The following FYN variants were observed in gnomAD, a reference collection of about 807,000 sequenced individuals.
The protein encoded by FYN is tyrosine-protein kinase Fyn.
A neutral mutation model predicts 70.2 loss-of-function variants in FYN; 10 were observed. That is an observed-to-expected ratio of 0.14 (90% CI 0.09 to 0.24). The LOEUF is 0.24. Ranked by LOEUF, FYN falls within the 10% of genes least tolerant of loss-of-function variation. The pLI is 1.00. For synonymous variants in FYN, 236 were observed against 248.6 expected, an observed-to-expected ratio of 0.95 and a Z score of 0.48; for missense variants, 319 against 673.1, an observed-to-expected ratio of 0.47 and a Z score of 5.82.
intron 3 of FYN, among the ~76,000 whole-genome samples, chr6:111,752,631 T>A (rs1802539082): frequency 6.6e-6 from 1 of 151,834 alleles, no homozygotes; most frequent in Non-Finnish European, 1.5e-5. Flanking sequence ...GTCCACCAGG[T>A]GGAATAGGGT....
chr6:111,779,120 C>CTTTTTTT (rs776994144), intron 3 of FYN, among the ~76,000 whole-genome samples: 4 of 112,504 alleles, frequency 3.6e-5, no homozygotes, highest in African/African-American at 7.1e-5. Flanking sequence ...CAGTAGGAGA[C>CTTTTTTT]ATTTTTTTTT....
intron 13 of FYN, among the ~76,000 whole-genome samples, chr6:111,663,897 C>G (rs1797882868): frequency 6.6e-6 from 1 of 152,152 alleles, no homozygotes. Context: ...AGGCAGCCTC[C>G]TCCGGCTCTA....
intron 2 of FYN, among the ~76,000 whole-genome samples, chr6:111,806,663 G>A (rs994838833): frequency 3.9e-5 from 6 of 152,182 alleles, no homozygotes; most frequent in African/African-American, 1.4e-4. Context: ...TATTGAAGGT[G>A]AGGTAAATTA....
At chr6:111,731,080 G>A (rs1801427166) in intron 3 of FYN, among the ~76,000 whole-genome samples, 1 of 152,148 alleles carries the variant, frequency 6.6e-6, no homozygotes, top group African/African-American at 2.4e-5. Flanking sequence ...CGTCATCAAT[G>A]CCCCCTCCCC....
chr6:111,686,166 C>T (rs1798994339), intron 12 of FYN, among the ~76,000 whole-genome samples: 1 of 152,138 alleles, frequency 6.6e-6, no homozygotes, highest in Admixed American at 6.5e-5. Context: ...GACCTGCTCC[C>T]CCTAACTATT....
intron 12 of FYN, among the ~76,000 whole-genome samples, chr6:111,684,687 G>A (rs1318946914): frequency 1.3e-5 from 2 of 152,116 alleles, no homozygotes; most frequent in African/African-American, 2.4e-5. Flanking sequence ...TCCTTGCAAC[G>A]GTGACCAATG....
At chr6:111,782,771 G>A (rs1213104572) in intron 2 of FYN, among the ~76,000 whole-genome samples, 2 of 152,162 alleles carry the variant, frequency 1.3e-5, no homozygotes, top group Non-Finnish European at 2.9e-5. Flanking sequence ...TCCTAAGTAT[G>A]GGCACTTTGG....
At chr6:111,665,995 C>CTTTTTTTTT (rs991104460) in intron 13 of FYN, among the ~76,000 whole-genome samples, 20 of 89,048 alleles carry the variant, frequency 2.2e-4, no homozygotes, top group East Asian at 1.0e-3. Context: ...CCTTTTTCTC[C>CTTTTTTTTT]TTTTTTTTTT....
intron 2 of FYN, among the ~76,000 whole-genome samples, chr6:111,823,714 A>G (rs1772746835): frequency 6.6e-6 from 1 of 152,122 alleles, no homozygotes; most frequent in Non-Finnish European, 1.5e-5. Flanking sequence ...TCATGCTAAC[A>G]TAACAGATCT....
chr6:111,865,108 G>A (rs1774068493), intron 1 of FYN, among the ~76,000 whole-genome samples: 1 of 152,176 alleles, frequency 6.6e-6, no homozygotes, highest in Non-Finnish European at 1.5e-5. Flanking sequence ...AAAGCTTTCT[G>A]AGTGCAAATA....
intron 13 of FYN, 161 bp downstream of exon 13, chr6:111,674,338 G>C: frequency 2.7e-6 from 2 of 732,710 alleles, no homozygotes; most frequent in East Asian, 5.4e-5. Context: ...GTGGCTCCCA[G>C]TTCTGCTTTT....
intron 3 of FYN, among the ~76,000 whole-genome samples, chr6:111,724,291 A>G (rs145390290): frequency 4.5e-4 from 68 of 152,228 alleles, no homozygotes; most frequent in Middle Eastern, 3.4e-3. Flanking sequence ...TTCTCCACAT[A>G]GCCCTGTAGT....
At chr6:111,815,414 T>C (rs1255178744) in intron 2 of FYN, among the ~76,000 whole-genome samples, 1 of 152,234 alleles carries the variant, frequency 6.6e-6, no homozygotes, top group African/African-American at 2.4e-5. Flanking sequence ...CTTTCAATTA[T>C]ACTTAATTTT....
At chr6:111,869,201 CT>C (rs1774200169) in intron 1 of FYN, among the ~76,000 whole-genome samples, 1 of 152,226 alleles carries the variant, frequency 6.6e-6, no homozygotes, top group South Asian at 2.1e-4. Flanking sequence ...CTCACTTAAC[CT>C]CCGTGGAATA....
chr6:111,806,916 G>A (rs1772167367), intron 2 of FYN, among the ~76,000 whole-genome samples: 7 of 152,170 alleles, frequency 4.6e-5, no homozygotes, highest in Admixed American at 4.6e-4. Context: ...AGCCTAGGAA[G>A]GAGAAATGGA....
At chr6:111,699,568 G>A (rs374907658) in intron 9 of FYN, 7 of 1,614,002 alleles carry the variant, frequency 4.3e-6, no homozygotes, top group African/African-American at 4.0e-5. Context: ...CAGACACAAC[G>A]AACGACGTGC....
At chr6:111,677,319 A>G (rs1211576810) in intron 12 of FYN, among the ~76,000 whole-genome samples, 1 of 152,228 alleles carries the variant, frequency 6.6e-6, no homozygotes, top group Non-Finnish European at 1.5e-5. Context: ...AAATCAAAGC[A>G]GCAATAAGGT....
At chr6:111,718,772 C>T (rs1800790926) in intron 4 of FYN, among the ~76,000 whole-genome samples, 1 of 152,084 alleles carries the variant, frequency 6.6e-6, no homozygotes, top group Non-Finnish European at 1.5e-5. Flanking sequence ...AAAAGGAAAG[C>T]TAGAGTCACC....
chr6:111,852,870 T>C (rs556141376), intron 1 of FYN, among the ~76,000 whole-genome samples: 34 of 152,346 alleles, frequency 2.2e-4, no homozygotes, highest in South Asian at 1.7e-3. Context: ...GGAAACGATG[T>C]CATAGTGTGT....
Sources: gnomAD v4.1 joint callset for allele counts (sites outside exome capture counted in the v4.1 genomes callset) on GRCh38, gnomAD v4.1.1 for gene constraint, MANE v1.5 for transcripts, NCBI Gene and HGNC (gene_info 2026-07-23, HGNC 2026-07-21) for gene names.